Variants in TCF12 observed in about 807,000 individuals in gnomAD.
The protein encoded by TCF12 is DNA-binding protein HTF4.
TCF12 carries 45 observed loss-of-function variants against 86.0 expected under a neutral mutation model. The observed-to-expected ratio is 0.52, with a 90% CI of 0.41 to 0.67. The LOEUF is 0.67. Among genes scored for constraint, TCF12 ranks in the 30% least tolerant of loss-of-function variants. The pLI is 0.00. For missense variants in TCF12, 881 were observed against 859.9 expected (o/e 1.02, Z -0.31); for synonymous variants, 330 against 299.6 (o/e 1.10, Z -1.05).
chr15:57,282,971 C>T (rs764195865), intron 20 of TCF12, among the ~76,000 whole-genome samples: 2 of 152,232 alleles, frequency 1.3e-5, no homozygotes, highest in Non-Finnish European at 2.9e-5. Context: ...GAAATGCTGA[C>T]TATATCATCA....
chr15:57,228,774 G>A (rs1475295026), intron 8 of TCF12, among the ~76,000 whole-genome samples: 8 of 151,836 alleles, frequency 5.3e-5, no homozygotes, highest in South Asian at 4.2e-4. Context: ...GAAATACAGC[G>A]AATTGAATGG....
intron 3 of TCF12, among the ~76,000 whole-genome samples, chr15:57,024,800 CA>C (rs758470761): frequency 2.0e-5 from 3 of 152,070 alleles, no homozygotes; most frequent in Non-Finnish European, 4.4e-5. Flanking sequence ...ATAAAAGAAC[CA>C]TGCACATTCG....
intron 6 of TCF12, among the ~76,000 whole-genome samples, chr15:57,191,111 T>C (rs546672686): frequency 6.6e-6 from 1 of 152,172 alleles, no homozygotes; most frequent in East Asian, 1.9e-4. Context: ...TTAAATATAG[T>C]GTTAAAAAAG....
intron 16 of TCF12, among the ~76,000 whole-genome samples, chr15:57,260,135 T>C (rs962954951): frequency 3.3e-5 from 5 of 152,202 alleles, no homozygotes; most frequent in Non-Finnish European, 7.3e-5. Flanking sequence ...TGTGAGAAAA[T>C]ACTTAGTTTG....
At chr15:57,119,754 G>T (rs891056108) in intron 5 of TCF12, among the ~76,000 whole-genome samples, 3 of 151,972 alleles carry the variant, frequency 2.0e-5, no homozygotes, top group African/African-American at 4.8e-5. Context: ...GTAAATATTC[G>T]TCATGTGATC....
intron 6 of TCF12, among the ~76,000 whole-genome samples, chr15:57,178,966 A>G (rs972338404): frequency 8.6e-5 from 13 of 152,004 alleles, no homozygotes; most frequent in Admixed American, 2.6e-4. Context: ...GTCTGTATTG[A>G]TCTACATCCC....
At chr15:57,189,086 G>A (rs1597178888) in intron 6 of TCF12, among the ~76,000 whole-genome samples, 1 of 152,314 alleles carries the variant, frequency 6.6e-6, no homozygotes, top group East Asian at 1.9e-4. Flanking sequence ...GCCACGCCTA[G>A]CCTACAGTAA....
intron 3 of TCF12, among the ~76,000 whole-genome samples, chr15:56,962,460 T>C (rs1729347692): frequency 6.6e-6 from 1 of 152,196 alleles, no homozygotes; most frequent in South Asian, 2.1e-4. Flanking sequence ...TTGGACAGCT[T>C]CCTTTGAAGA....
Position 57,243,499 on chromosome 15 carries a change from A to T in TCF12, c.1063A>T (p.Ser355Cys). The T allele has an allele frequency of 6.2e-7, 1 of 1,613,952 alleles. No homozygotes were observed. Among genetic ancestry groups the T allele is most frequent in the Non-Finnish European group, 8.5e-7 (1 of 1,179,878 alleles). ...SIYSPDHTSS[S>C]FPSNPSTPVG... ...TTATTCTCCTGACCATACCAGCAGT[A>T]GTTTTCCGTCAAATCCATCAACACC... Residue 355 changes from serine (S) to cysteine (C), a missense_variant, in exon 13 of 21, where the codon AGT becomes TGT. By Grantham distance (112) the Ser-to-Cys change is moderately radical. Transcript: ENST00000333725.
intron 3 of TCF12, among the ~76,000 whole-genome samples, chr15:57,030,632 T>G (rs977887328): frequency 6.6e-6 from 1 of 152,134 alleles, no homozygotes; most frequent in Non-Finnish European, 1.5e-5. Flanking sequence ...AGGAAAACTA[T>G]CGCCCATTGT....
At chr15:57,264,703 T>C (rs4774915) in intron 18 of TCF12, among the ~76,000 whole-genome samples, 40,962 of 151,872 alleles carry the variant, frequency 0.27, 6,731 homozygotes, top group African/African-American at 0.45. Flanking sequence ...CAGGAAGCTG[T>C]CTCTCCTAAG....
intron 13 of TCF12, chr15:57,248,182 G>T: frequency 1.5e-6 from 1 of 688,652 alleles, no homozygotes; most frequent in Non-Finnish European, 2.6e-6. Flanking sequence ...CGTCTTATTG[G>T]CCAGCACTGG....
intron 5 of TCF12, among the ~76,000 whole-genome samples, chr15:57,100,556 T>A (rs1204267926): frequency 6.6e-6 from 1 of 151,982 alleles, no homozygotes; most frequent in Non-Finnish European, 1.5e-5. Flanking sequence ...AGCCACTTTA[T>A]CTAGCCCAGA....
At chr15:57,112,865 A>G (rs2050587903) in intron 5 of TCF12, among the ~76,000 whole-genome samples, 2 of 152,242 alleles carry the variant, frequency 1.3e-5, no homozygotes, top group African/African-American at 2.4e-5. Context: ...TACATTCCAT[A>G]TTAAGCTATA....
intron 19 of TCF12, among the ~76,000 whole-genome samples, chr15:57,277,357 G>A (rs1788214485): frequency 6.6e-6 from 1 of 151,976 alleles, no homozygotes; most frequent in African/African-American, 2.4e-5. Flanking sequence ...GCAGCCGGGT[G>A]CAGTGGCTCA....
At chr15:56,958,334 G>GACT (rs1462961462) in intron 3 of TCF12, among the ~76,000 whole-genome samples, 7 of 152,150 alleles carry the variant, frequency 4.6e-5, no homozygotes, top group Non-Finnish European at 8.8e-5. Flanking sequence ...CCTTAGAGAT[G>GACT]ACTGTCCTTT....
At chr15:57,165,134 C>CTGTGTGTGTG (rs10651646) in intron 5 of TCF12, among the ~76,000 whole-genome samples, 41 of 147,216 alleles carry the variant, frequency 2.8e-4, no homozygotes, top group African/African-American at 5.1e-4. Flanking sequence ...GAATGTATGT[C>CTGTGTGTGTG]TGTGTGTGTG....
chr15:57,139,677 A>G (rs117312523), intron 5 of TCF12, among the ~76,000 whole-genome samples: 4,919 of 152,270 alleles, frequency 0.032, 117 homozygotes, highest in South Asian at 0.066. Flanking sequence ...AAGTTAGAGC[A>G]TTATAGCTGT....
chr15:56,958,325 C>G (rs1280967495), intron 3 of TCF12, among the ~76,000 whole-genome samples: 4 of 152,112 alleles, frequency 2.6e-5, no homozygotes, highest in Non-Finnish European at 5.9e-5. Flanking sequence ...TTTCTTTTCC[C>G]TTAGAGATGA....
Sources: gnomAD v4.1 joint callset for allele counts (sites outside exome capture counted in the v4.1 genomes callset) on GRCh38, gnomAD v4.1.1 for gene constraint, MANE v1.5 for transcripts, NCBI Gene and HGNC (gene_info 2026-07-23, HGNC 2026-07-21) for gene names.